PHF3: variants seen among roughly 807,000 people sequenced by gnomAD.
PHF3 encodes PHD finger protein 3.
Under a neutral mutation model 178.4 loss-of-function variants are expected in PHF3, and 41 were observed. That is an observed-to-expected ratio of 0.23 (90% CI 0.18 to 0.30). The LOEUF is 0.30. PHF3 is among the 10% of genes least tolerant of loss of function. The pLI is 1.00. For synonymous variants in PHF3, 842 were observed against 800.5 expected (o/e 1.05, Z -0.88); for missense variants, 2,346 against 2,398.1 (o/e 0.98, Z 0.45).
chr6:63,639,321 C>T (rs1764478828), intron 1 of PHF3, among the ~76,000 whole-genome samples: 1 of 152,090 alleles, frequency 6.6e-6, no homozygotes, highest in East Asian at 1.9e-4. Context: ...TTGTAATTTG[C>T]ATGAGCTGGG....
At chr6:63,646,007 A>G (rs1246045332) in intron 1 of PHF3, among the ~76,000 whole-genome samples, 1 of 152,090 alleles carries the variant, frequency 6.6e-6, no homozygotes, top group African/African-American at 2.4e-5. Flanking sequence ...CTTTGTCTAT[A>G]TATATATTAC....
chr6:63,638,878 A>G (rs893088881), intron 1 of PHF3, among the ~76,000 whole-genome samples: 6 of 152,084 alleles, frequency 3.9e-5, no homozygotes, highest in African/African-American at 1.4e-4. Context: ...AATATTCTTT[A>G]ATTGTTGCCC....
In PHF3 at chr6:63,647,311, AAG is replaced by A. The variant is rs533320905; in HGVS notation, c.244+518_244+519del. 4.7e-3 allele frequency among the ~76,000 whole-genome samples: 715 copies of A among 152,228 alleles called. 5 individuals carry two copies. The highest frequency in any genetic ancestry group is 8.0e-3 in the Non-Finnish European group (544 of 68,018). On this transcript the variant is annotated intron_variant, in intron 2 of 15. Coordinates refer to ENST00000262043, the MANE Select transcript of PHF3 (RefSeq NM_001370348.2). ...TGTACATGTATCTTAAAACCAGAGA[AAG>A]AACTCTATACCTCTGCTGCCCTGGA...
rs1327904375 is a variant in PHF3 at position 63,712,979 on chromosome 6, C to T, written c.5391C>T (p.Pro1797=). The change falls in exon 16 of 16, where the codon CCC becomes CCT. Residue 1797 remains proline, a synonymous_variant. Transcript: ENST00000262043. ...TSPRTSTNFS[P]MRPQQPNLQH... ...CCAGAACAAGTACAAACTTTTCACC[C>T]ATGAGGCCACAGCAGCCCAACCTTC... 6.2e-7 allele frequency: 1 copy of T among 1,614,046 alleles called. No homozygotes were observed.
Position 63,680,241 on chromosome 6 carries a change from AAT to A in PHF3, c.406+81_406+82del, listed in dbSNP as rs1244145415. On this transcript the variant is annotated intron_variant, in intron 3 of 15. Coordinates refer to ENST00000262043, the MANE Select transcript of PHF3 (RefSeq NM_001370348.2). ...TTAGGTTATAAACCTGCTGAGCAGAAATCATATTTTCTTGATGTTTTGCTAAT... is the reference window on the plus strand; with the variant it reads ...TTAGGTTATAAACCTGCTGAGCAGAACATATTTTCTTGATGTTTTGCTAAT... 7 of 1,204,296 alleles carry A rather than the reference AAT, an allele frequency of 5.8e-6. No individual in the cohort carries two copies. The African/African-American group carries it at 9.2e-5, about 16-fold the overall frequency. 74.6% of individuals were successfully genotyped at this position (1,204,296 alleles called of 1,614,324 possible). A position where few individuals can be genotyped will look rare whatever the true frequency, so the allele number is the denominator to read the frequency against.
intron 2 of PHF3, among the ~76,000 whole-genome samples, chr6:63,663,504 A>G (rs1765555139): frequency 6.6e-6 from 1 of 152,056 alleles, no homozygotes; most frequent in Admixed American, 6.6e-5. Flanking sequence ...TCCATTTCTC[A>G]TTTCCTCAGC....
chr6:63,685,451 A>G lies in PHF3; in HGVS notation c.1729A>G (p.Lys577Glu), dbSNP rs772626619. 5.6e-6 allele frequency: 9 copies of G among 1,613,978 alleles called. No individual in the cohort carries two copies. Among genetic ancestry groups the G allele is most frequent in the South Asian group, 1.1e-5 (1 of 91,074 alleles). ...SVKNQAHSVL[K>E]KTLQDQTLVQ... is the part of the protein sequence containing the mutation. ...GAAAAACCAAGCTCATTCTGTACTG[A>G]AAAAAACATTACAGGATCAAACTTT... Residue 577 changes from lysine to glutamate, a missense_variant, in exon 4 of 16, where the codon AAA becomes GAA. This residue lies in a region of PHF3 where 843 missense variants were observed against 795.2 expected (regional missense o/e 1.06). Transcript: ENST00000262043.
intron 2 of PHF3, among the ~76,000 whole-genome samples, chr6:63,662,647 T>C (rs1457092887): frequency 6.6e-6 from 1 of 152,218 alleles, no homozygotes; most frequent in Non-Finnish European, 1.5e-5. Context: ...CATCTCTTCC[T>C]CCCTAAAATA....
intron 2 of PHF3, among the ~76,000 whole-genome samples, chr6:63,665,393 A>G (rs1303294070): frequency 2.0e-5 from 3 of 151,758 alleles, no homozygotes; most frequent in Admixed American, 6.6e-5. Flanking sequence ...GTCCTTTGCT[A>G]TGAATTAATG....
chr6:63,691,590 G>A (rs1767000336), intron 4 of PHF3, 147 bp from the exon 5 acceptor site: 1 of 639,096 alleles, frequency 1.6e-6, no homozygotes. Context: ...AAAACTTGCT[G>A]TATGTTGAAC....
At position 63,698,526 on chromosome 6, in the gene PHF3, C is replaced by G; in HGVS notation, c.2903C>G (p.Ser968Cys). Reference protein sequence around the residue: ...VATKIEKELFSFFRDTDAKYK... With the variant: ...VATKIEKELFCFFRDTDAKYK... ...ACAAAAATTGAGAAAGAGCTTTTCT[C>G]TTTTTTTCGGGACACAGATGCTAAA... Residue 968 changes from serine to cysteine, a missense_variant, in exon 8 of 16, where the codon TCT becomes TGT. Ser to Cys is a moderately radical substitution (Grantham distance 112, BLOSUM62 -1). Transcript: ENST00000262043. The G allele has an allele frequency of 1.9e-6, 3 of 1,603,602 alleles. No individual in the cohort carries two copies.
At chr6:63,641,296 C>T (rs1003471897) in intron 1 of PHF3, among the ~76,000 whole-genome samples, 2 of 152,128 alleles carry the variant, frequency 1.3e-5, no homozygotes, top group Admixed American at 6.6e-5. Flanking sequence ...CGCTGTGAGG[C>T]CTTCACTTAC....
intron 2 of PHF3, among the ~76,000 whole-genome samples, chr6:63,659,465 G>T (rs115047835): frequency 0.012 from 1,782 of 152,210 alleles, 29 homozygotes; most frequent in African/African-American, 0.041. Context: ...TCTCTTAAGG[G>T]ATTTTATATA....
chr6:63,643,812 TA>T (rs545944565), intron 1 of PHF3, among the ~76,000 whole-genome samples: 1 of 152,046 alleles, frequency 6.6e-6, no homozygotes, highest in African/African-American at 2.4e-5. Flanking sequence ...ATGCTTTATT[TA>T]AAAAAAATCG....
Position 63,713,448 on chromosome 6 carries a change from G to C in PHF3, c.5860G>C (p.Asp1954His). Residue 1954 changes from aspartate (D) to histidine (H), a missense_variant, in exon 16 of 16, where the codon GAC (aspartate) becomes CAC (histidine). By Grantham distance (81) the Asp-to-His change is moderately conservative (BLOSUM62 -1). Coordinates refer to ENST00000262043, the MANE Select transcript of PHF3 (RefSeq NM_001370348.2). ...ERHRRRDRSQ[D>H]KDRDRKSREE... Reference sequence around the variant, plus strand: ...GCATAGACGCAGAGACAGAAGCCAAGACAAGGACAGAGACAGAAAAAGCAG... The same window carrying C: ...GCATAGACGCAGAGACAGAAGCCAACACAAGGACAGAGACAGAAAAAGCAG... 1 of 1,613,920 alleles carries C rather than the reference G, an allele frequency of 6.2e-7. No individual in the cohort carries two copies. Among genetic ancestry groups the C allele is most frequent in the Non-Finnish European group, 8.5e-7 (1 of 1,179,950 alleles).
chr6:63,675,419 G>A (rs1425177407), intron 2 of PHF3, among the ~76,000 whole-genome samples: 3 of 152,078 alleles, frequency 2.0e-5, no homozygotes, highest in Non-Finnish European at 2.9e-5. Context: ...TTCAGACTTG[G>A]GGGTAAAAAT....
At chr6:63,661,955 C>G (rs1319135863) in intron 2 of PHF3, among the ~76,000 whole-genome samples, 1 of 152,078 alleles carries the variant, frequency 6.6e-6, no homozygotes, top group Non-Finnish European at 1.5e-5. Context: ...TGTTAGGAAC[C>G]CAGCTGCACA....
intron 6 of PHF3, among the ~76,000 whole-genome samples, chr6:63,696,939 A>T (rs1281162510): frequency 6.6e-6 from 1 of 152,196 alleles, no homozygotes; most frequent in Non-Finnish European, 1.5e-5. Context: ...GATAACTCTC[A>T]GGGAGTTTTG....
intron 2 of PHF3, among the ~76,000 whole-genome samples, chr6:63,648,574 T>C (rs1015818506): frequency 2.6e-5 from 4 of 152,204 alleles, no homozygotes; most frequent in Non-Finnish European, 5.9e-5. Context: ...ATGAAAAGTT[T>C]TTATTAATGT....
Sources: allele counts gnomAD v4.1 joint callset (sites outside exome capture counted in the v4.1 genomes callset), GRCh38; gene constraint gnomAD v4.1.1; regional missense constraint gnomAD v4.1.1; transcripts MANE v1.5; gene names NCBI Gene and HGNC (gene_info 2026-07-23, HGNC 2026-07-21).